The following MTNR1A variants were observed in gnomAD, a reference collection of about 807,000 sequenced individuals.
The protein encoded by MTNR1A is melatonin receptor type 1A.
Under a neutral mutation model 5.5 loss-of-function variants are expected in MTNR1A, and 7 were observed. That is an observed-to-expected ratio of 1.28 (90% CI 0.73 to 2.40). The LOEUF is 2.40. Ranked by LOEUF, MTNR1A falls within the 30% of genes most tolerant of loss-of-function variation. The pLI, the probability that MTNR1A is intolerant of heterozygous loss-of-function variation, is 0.00. For synonymous variants in MTNR1A, 196 were observed against 202.7 expected (o/e 0.97, Z 0.28); for missense variants, 441 against 464.4 (o/e 0.95, Z 0.46).
chr4:186,539,954 C>T (rs555274245), intron 1 of MTNR1A, among the ~76,000 whole-genome samples: 22 of 152,248 alleles, frequency 1.4e-4, no homozygotes, highest in African/African-American at 4.3e-4. Context: ...AAGACATACT[C>T]GAGACTGGGC....
intron 1 of MTNR1A, 137 bp from the exon 2 acceptor site, chr4:186,534,694 G>A (rs1736805336): frequency 1.0e-6 from 1 of 970,368 alleles, no homozygotes; most frequent in Non-Finnish European, 1.5e-6. Context: ...AAATGAAGTG[G>A]AGGCCGTTTC....
At chr4:186,548,812 T>TAG (rs1378247986) in intron 1 of MTNR1A, among the ~76,000 whole-genome samples, 4 of 58,150 alleles carry the variant, frequency 6.9e-5, no homozygotes, top group Non-Finnish European at 9.4e-5. Context: ...TCTATAAAGA[T>TAG]ATATATATAT....
In MTNR1A at chr4:186,536,984, G is replaced by A. The variant is rs550798948; in HGVS notation, c.185-2427C>T. Among the ~76,000 whole-genome samples the A allele has an allele frequency of 4.6e-5, 7 of 152,244 alleles. No individual in the cohort carries two copies. In the South Asian group the frequency reaches 1.5e-3, roughly 32 times the overall value. On this transcript the variant is annotated intron_variant, in intron 1 of 1. Coordinates refer to ENST00000307161, the MANE Select transcript of MTNR1A (RefSeq NM_005958.4). ...CCCAGAGTGTCATGATGACAAACTG[G>A]CCTAATATGGATTTATTTTTAAAAG...
intron 1 of MTNR1A, among the ~76,000 whole-genome samples, chr4:186,542,688 A>G (rs767375915): frequency 1.3e-5 from 2 of 152,146 alleles, no homozygotes; most frequent in Non-Finnish European, 2.9e-5. Flanking sequence ...TCATCCTCTC[A>G]TATTACCCTG....
intron 1 of MTNR1A, among the ~76,000 whole-genome samples, chr4:186,549,582 T>G (rs941826799): frequency 6.6e-6 from 1 of 152,224 alleles, no homozygotes; most frequent in Non-Finnish European, 1.5e-5. Flanking sequence ...CCAGCTACCA[T>G]CTACCAGCCA....
At chr4:186,546,822 G>T (rs75927979) in intron 1 of MTNR1A, among the ~76,000 whole-genome samples, 2 of 64,910 alleles carry the variant, frequency 3.1e-5, no homozygotes, top group Non-Finnish European at 3.7e-5. Flanking sequence ...CACCCTGTTC[G>T]TGGGACACAC....
chr4:186,544,656 C>T (rs1208138935), intron 1 of MTNR1A, among the ~76,000 whole-genome samples: 1 of 152,184 alleles, frequency 6.6e-6, no homozygotes, highest in Non-Finnish European at 1.5e-5. Context: ...CTCTAGCCAT[C>T]TTTTTCCTCA....
At chr4:186,544,072 T>C (rs1216626584) in intron 1 of MTNR1A, among the ~76,000 whole-genome samples, 1 of 152,140 alleles carries the variant, frequency 6.6e-6, no homozygotes, top group East Asian at 1.9e-4. Flanking sequence ...GCAGTGGTGT[T>C]ATCTTGGCTC....
In MTNR1A at chr4:186,534,220, G is replaced by A. The variant is rs1736781859; in HGVS notation, c.522C>T (p.Ile174=). 1.9e-6 allele frequency: 3 copies of A among 1,614,098 alleles called. No homozygotes were observed. In the East Asian group the frequency reaches 6.7e-5, roughly 36 times the overall value. Residue 174 remains isoleucine, a synonymous_variant, in exon 2 of 2, where the codon ATC becomes ATT. Coordinates refer to ENST00000307161, the MANE Select transcript of MTNR1A (RefSeq NM_005958.4). ...RAGTLQYDPR[I]YSCTFAQSVS... ...CGGACTGGGCGAAGGTGCACGAGTA[G>A]ATCCTCGGGTCGTACTGGAGAGTCC...
intron 1 of MTNR1A, among the ~76,000 whole-genome samples, chr4:186,554,735 C>T (rs936356031): frequency 2.0e-5 from 3 of 152,198 alleles, no homozygotes; most frequent in African/African-American, 7.2e-5. Context: ...GCAGACTACT[C>T]CCGAACAACA....
intron 1 of MTNR1A, among the ~76,000 whole-genome samples, chr4:186,541,096 G>A (rs1471877524): frequency 6.6e-6 from 1 of 152,158 alleles, no homozygotes; most frequent in African/African-American, 2.4e-5. Context: ...ATGCTCCTAT[G>A]GCCTCATGAG....
intron 1 of MTNR1A, among the ~76,000 whole-genome samples, chr4:186,537,448 T>TA (rs1560893561): frequency 2.0e-5 from 3 of 152,336 alleles, no homozygotes; most frequent in Admixed American, 6.5e-5. Context: ...TCCAGGACTG[T>TA]ATGCAACAAG....
At chr4:186,542,698 G>A (rs1042590349) in intron 1 of MTNR1A, among the ~76,000 whole-genome samples, 5 of 152,148 alleles carry the variant, frequency 3.3e-5, no homozygotes, top group Non-Finnish European at 7.3e-5. Context: ...ATATTACCCT[G>A]GTGATACCCT....
chr4:186,548,366 C>T (rs2111384521), intron 1 of MTNR1A, among the ~76,000 whole-genome samples: 1 of 152,066 alleles, frequency 6.6e-6, no homozygotes, highest in South Asian at 2.1e-4. Context: ...AAATAATATT[C>T]TCATAAAAGT....
At chr4:186,553,950 T>C (rs1454119062) in intron 1 of MTNR1A, among the ~76,000 whole-genome samples, 1 of 152,218 alleles carries the variant, frequency 6.6e-6, no homozygotes, top group Non-Finnish European at 1.5e-5. Flanking sequence ...GGGAACAATC[T>C]GCAGCCCCAG....
chr4:186,555,460 C>T lies in MTNR1A; in HGVS notation c.-95G>A. ...CTCCGCCCGGCGCTCCCCGCGCCCA[C>T]GCCCCATCCCGCGCGCTCCTCCACG... is the stretch of plus-strand genomic sequence containing the variant. On this transcript the variant is annotated 5_prime_UTR_variant, in exon 1 of 2. In the 5' UTR this introduces an upstream ATG that the reference lacks. Transcript: ENST00000307161. The surrounding 1 kb of genome is among the most constrained non-coding windows in gnomAD (Gnocchi z 4.1). The T allele has an allele frequency of 9.6e-7, 1 of 1,043,028 alleles. No individual in the cohort carries two copies. Among genetic ancestry groups the T allele is most frequent in the Non-Finnish European group, 1.2e-6 (1 of 820,360 alleles). 64.6% of individuals were successfully genotyped at this position (1,043,028 alleles called of 1,614,324 possible).
Position 186,534,353 on chromosome 4 carries a change from C to G in MTNR1A, c.389G>C (p.Cys130Ser). ...GIAINRYCYICHSLKYDKLYS... is the reference protein window; with the variant it reads ...GIAINRYCYISHSLKYDKLYS... Reference sequence around the variant, plus strand: ...CAGTTTGTCGTACTTGAGACTGTGGCAGATGTAGCAGTAGCGGTTGATGGC... The same window carrying G: ...CAGTTTGTCGTACTTGAGACTGTGGGAGATGTAGCAGTAGCGGTTGATGGC... Residue 130 changes from cysteine (C) to serine (S), a missense_variant, in exon 2 of 2, where the codon TGC becomes TCC. Coordinates refer to ENST00000307161, the MANE Select transcript of MTNR1A (RefSeq NM_005958.4). The G allele has an allele frequency of 1.2e-6, 2 of 1,614,084 alleles. No individual in the cohort carries two copies. The highest frequency in any genetic ancestry group is 1.7e-6 in the Non-Finnish European group (2 of 1,180,022).
rs781418217 is a variant in MTNR1A, at chr4:186,533,731, T to A, written c.1011A>T (p.Pro337=). Residue 337 remains proline, a synonymous_variant, in exon 2 of 2, where the codon CCA becomes CCT. Transcript: ENST00000307161. ...TTACTACATTATTGTTGGTCATCAG[T>A]GGAGACGGTTTCCATTTAACCCTAT... is the stretch of plus-strand genomic sequence containing the variant. The part of the protein sequence containing the change: ...VADRVKWKPS[P]LMTNNNVVKV... The A allele has an allele frequency of 6.2e-6, 10 of 1,614,092 alleles. No homozygotes were observed. Among genetic ancestry groups the A allele is most frequent in the Non-Finnish European group, 5.9e-6 (7 of 1,180,048 alleles).
chr4:186,547,699 G>A (rs1737185583), intron 1 of MTNR1A, among the ~76,000 whole-genome samples: 1 of 152,136 alleles, frequency 6.6e-6, no homozygotes, highest in Non-Finnish European at 1.5e-5. Context: ...AGTAGACCTT[G>A]GCACTGCTTT....
Sources: gnomAD v4.1 joint callset for allele counts (sites outside exome capture counted in the v4.1 genomes callset) on GRCh38, gnomAD v4.1.1 for gene constraint, Gnocchi (gnomAD v3.1) non-coding constraint, MANE v1.5 for transcripts, NCBI Gene and HGNC (gene_info 2026-07-23, HGNC 2026-07-21) for gene names.